CFAP100: variants seen among roughly 807,000 people sequenced by gnomAD.
The protein encoded by CFAP100 is cilia and flagella associated protein 100.
A neutral mutation model predicts 81.5 loss-of-function variants in CFAP100; 70 were observed. That is an observed-to-expected ratio of 0.86 (90% CI 0.71 to 1.05). CFAP100 has a LOEUF of 1.05. Ranked by LOEUF, CFAP100 falls within the 50% of genes least tolerant of loss-of-function variation. The pLI is 0.00. For missense variants in CFAP100, 811 were observed against 776.5 expected (o/e 1.04, Z -0.53); for synonymous variants, 341 against 314.8 (o/e 1.08, Z -0.88).
intron 4 of CFAP100, among the ~76,000 whole-genome samples, chr3:126,415,848 C>T (rs2083228126): frequency 6.6e-6 from 1 of 152,128 alleles, no homozygotes; most frequent in South Asian, 2.1e-4. Flanking sequence ...ACCCCCAGGC[C>T]GCACAGGAGC....
Position 126,411,361 on chromosome 3 carries a change from G to GTTTTTTTTTT in CFAP100, c.131-2707_131-2698dup, listed in dbSNP as rs58954079. 2.6e-3 allele frequency among the ~76,000 whole-genome samples: 92 copies of GTTTTTTTTTT among 35,384 alleles called. 20 individuals carry two copies. Among genetic ancestry groups the GTTTTTTTTTT allele is most frequent in the Non-Finnish European group, 3.5e-3 (76 of 21,538 alleles). The allele number at this position is 35,384 out of a possible 152,430, so 23.2% of individuals were successfully genotyped here. The stretch of plus-strand genomic sequence containing the variant: ...TCTGTAGTTTTTTTTGTTGTTGTTG[G>GTTTTTTTTTT]TTTTTTTTTTTTTTTTTTTTTTTTT... On this transcript the variant is annotated intron_variant, in intron 3 of 16. Transcript: ENST00000352312.
chr3:126,395,974 G>T lies in CFAP100; in HGVS notation c.-27G>T. ...TCTCCTTTAGAAGAGGAGAAGCCTT[G>T]CATCAACCTCTTGGGCCTCAGCCAA... On this transcript the variant is annotated 5_prime_UTR_variant, in exon 2 of 17. Coordinates refer to ENST00000352312, the MANE Select transcript of CFAP100 (RefSeq NM_182628.3). The T allele has an allele frequency of 6.2e-7, 1 of 1,604,506 alleles. No homozygotes were observed.
At position 126,436,555 on chromosome 3, in the gene CFAP100, G is replaced by T; in HGVS notation, c.*151G>T. ...ACCTGAATAAATTCATGTCTCTCTG[G>T]AGTCTTGAAGGCCTGCTTAAGGATG... On this transcript the variant is annotated 3_prime_UTR_variant, in exon 17 of 17. Coordinates refer to ENST00000352312, the MANE Select transcript of CFAP100 (RefSeq NM_182628.3). 2 of 614,502 alleles carry T rather than the reference G, an allele frequency of 3.3e-6. No homozygotes were observed. The highest frequency in any genetic ancestry group is 5.8e-6 in the Non-Finnish European group (2 of 342,450). 38.1% of individuals were successfully genotyped at this position (614,502 alleles called of 1,614,324 possible). A position where few individuals can be genotyped will look rare whatever the true frequency, so the allele number is the denominator to read the frequency against.
chr3:126,404,014 A>C (rs2083025798), intron 2 of CFAP100, among the ~76,000 whole-genome samples: 1 of 152,242 alleles, frequency 6.6e-6, no homozygotes, highest in Non-Finnish European at 1.5e-5. Context: ...GTGTCCATCA[A>C]TATAATAGAT....
At chr3:126,397,563 A>G (rs547737475) in intron 2 of CFAP100, among the ~76,000 whole-genome samples, 2 of 152,350 alleles carry the variant, frequency 1.3e-5, no homozygotes, top group South Asian at 4.1e-4. Context: ...GGGGTACCCT[A>G]TGACCCTGTG....
intron 4 of CFAP100, among the ~76,000 whole-genome samples, chr3:126,416,030 G>T (rs1317324869): frequency 1.3e-5 from 2 of 152,184 alleles, no homozygotes; most frequent in African/African-American, 2.4e-5. Flanking sequence ...CGGAGAAAAT[G>T]AGACATCATC....
intron 3 of CFAP100, 118 bp from the exon 4 acceptor site, chr3:126,413,967 C>G: frequency 1.3e-6 from 1 of 742,570 alleles, no homozygotes; most frequent in Middle Eastern, 3.7e-4. Flanking sequence ...CCAGGGGGAA[C>G]CTTCCCACTC....
intron 2 of CFAP100, among the ~76,000 whole-genome samples, chr3:126,398,320 C>T (rs1156642996): frequency 6.6e-6 from 1 of 152,206 alleles, no homozygotes; most frequent in African/African-American, 2.4e-5. Context: ...TGCGGCTGGT[C>T]CCTCTGGGCC....
chr3:126,416,770 A>G, intron 5 of CFAP100: 1 of 382,842 alleles, frequency 2.6e-6, no homozygotes, highest in Non-Finnish European at 4.6e-6. Flanking sequence ...CCTTGGCTTC[A>G]GTTGCCGGAG....
chr3:126,426,126 G>T (rs1489553764), intron 13 of CFAP100, among the ~76,000 whole-genome samples: 1 of 152,206 alleles, frequency 6.6e-6, no homozygotes, highest in Non-Finnish European at 1.5e-5. Flanking sequence ...CTTGTTCACA[G>T]ATGACATGAA....
intron 5 of CFAP100, 165 bp downstream of exon 5, chr3:126,416,673 G>T (rs1031320420): frequency 1.1e-5 from 6 of 566,968 alleles, no homozygotes; most frequent in African/African-American, 9.7e-5. Flanking sequence ...CTCCAGGGGG[G>T]TCCCAAAGCT....
At chr3:126,417,694 G>T (rs1382411031) in intron 5 of CFAP100, among the ~76,000 whole-genome samples, 1 of 152,230 alleles carries the variant, frequency 6.6e-6, no homozygotes, top group Non-Finnish European at 1.5e-5. Context: ...GGACATCTCC[G>T]TGGCTACCCA....
intron 2 of CFAP100, among the ~76,000 whole-genome samples, chr3:126,399,365 T>G (rs1237357378): frequency 6.6e-6 from 1 of 152,172 alleles, no homozygotes. Flanking sequence ...TCACCACTGC[T>G]GTTCAATATT....
At chr3:126,418,199 G>C (rs10934773) in intron 5 of CFAP100, 126,694 of 495,876 alleles carry the variant, frequency 0.26, 16,939 homozygotes, top group East Asian at 0.38. Context: ...GCTACAGCAA[G>C]AAAGGCGCAA....
chr3:126,435,448 A>T (rs776596860), intron 15 of CFAP100, 111 bp from the exon 16 acceptor site: 6 of 755,564 alleles, frequency 7.9e-6, no homozygotes, highest in Non-Finnish European at 2.2e-6. Flanking sequence ...GGTGAAGAGG[A>T]GCTGGGAGTT....
At chr3:126,412,192 T>A (rs376253163) in intron 3 of CFAP100, among the ~76,000 whole-genome samples, 2 of 152,240 alleles carry the variant, frequency 1.3e-5, no homozygotes, top group East Asian at 1.9e-4. Context: ...ATTATTTATT[T>A]CCGTGTGTTT....
rs183137082 is a variant in CFAP100, at chr3:126,425,754, G to C, written c.1286+2110G>C. Reference sequence around the variant, plus strand: ...GATTTATCCTAGGTATGCAGGGCTGGTTCAACATTCAAAACTTAACATAAT... The same window carrying C: ...GATTTATCCTAGGTATGCAGGGCTGCTTCAACATTCAAAACTTAACATAAT... On this transcript the variant is annotated intron_variant, in intron 13 of 16. Coordinates refer to ENST00000352312, the MANE Select transcript of CFAP100 (RefSeq NM_182628.3). Among the ~76,000 whole-genome samples, 431 of 152,278 alleles carry C rather than the reference G, an allele frequency of 2.8e-3. 2 individuals are homozygous for C. The highest frequency in any genetic ancestry group is 5.1e-3 in the Non-Finnish European group (347 of 68,008).
chr3:126,415,757 C>T (rs1576630384), intron 4 of CFAP100, among the ~76,000 whole-genome samples: 1 of 146,842 alleles, frequency 6.8e-6, no homozygotes, highest in Admixed American at 6.7e-5. Flanking sequence ...GGACACGGGG[C>T]GGGGTCGGGG....
At chr3:126,433,504 C>T in intron 14 of CFAP100, 1 of 338,168 alleles carries the variant, frequency 3.0e-6, no homozygotes, top group East Asian at 6.2e-5. Context: ...AGAGGCGTGT[C>T]CTCAAGCCAG....
Sources: allele counts gnomAD v4.1 joint callset (sites outside exome capture counted in the v4.1 genomes callset), GRCh38; gene constraint gnomAD v4.1.1; transcripts MANE v1.5; gene names NCBI Gene and HGNC (gene_info 2026-07-23, HGNC 2026-07-21).